The following WDR86 variants were observed in gnomAD, a reference collection of about 807,000 sequenced individuals.
WDR86 encodes WD repeat domain 86.
In WDR86, 30 loss-of-function variants were observed where a neutral mutation model predicts 36.5. That is an observed-to-expected ratio of 0.82 (90% CI 0.61 to 1.11). The LOEUF (loss-of-function observed/expected upper bound fraction) is 1.11. WDR86 is among the 50% of genes most tolerant of loss of function. The pLI, the probability that WDR86 is intolerant of heterozygous loss-of-function variation, is 0.00. For synonymous variants in WDR86, 255 were observed against 252.9 expected (o/e 1.01, Z -0.08); for missense variants, 545 against 561.2 (o/e 0.97, Z 0.29).
rs1407575040 is a variant in WDR86 at position 151,395,775 on chromosome 7, C to A, written c.726+1G>T. The A allele has an allele frequency of 1.3e-6, 2 of 1,553,256 alleles. No individual in the cohort carries two copies. Among genetic ancestry groups the A allele is most frequent in the South Asian group, 2.4e-5 (2 of 83,970 alleles). ...CTGGGCGGGGACCAGGACAGTCTCA[C>A]CTCCAGACAGATGACGGAGCCCCGG... On this transcript the variant is annotated splice_donor_variant, in intron 3 of 5. Transcript: ENST00000334493. LOFTEE classifies it high-confidence loss of function.
Position 151,381,832 on chromosome 7 carries a change from CT to C in WDR86, c.966+45del, listed in dbSNP as rs572090630. Reference sequence around the variant, plus strand: ...GCGTGGATGGATCGGGGCGGGGCACCTTCCCTCCCACGGGCGGCGGCCCCGA... The same window carrying C: ...GCGTGGATGGATCGGGGCGGGGCACCTCCCTCCCACGGGCGGCGGCCCCGA... On this transcript the variant is annotated intron_variant, in intron 5 of 5. Coordinates refer to ENST00000334493, the MANE Select transcript of WDR86 (RefSeq NM_198285.3). The surrounding 1 kb of genome is among the most constrained non-coding windows in gnomAD (Gnocchi z 4.8). 2.2e-3 allele frequency: 3,481 copies of C among 1,561,956 alleles called. 6 individuals carry two copies. The highest frequency in any genetic ancestry group is 2.7e-3 in the Non-Finnish European group (3,115 of 1,153,224).
At chr7:151,397,567 G>A (rs1799911563) in intron 2 of WDR86, among the ~76,000 whole-genome samples, 1 of 151,506 alleles carries the variant, frequency 6.6e-6, no homozygotes, top group Non-Finnish European at 1.5e-5. Flanking sequence ...GGGATTACGT[G>A]TATTTTTAAA....
At chr7:151,391,085 C>A (rs1799400071) in intron 3 of WDR86, among the ~76,000 whole-genome samples, 2 of 152,238 alleles carry the variant, frequency 1.3e-5, no homozygotes, top group Non-Finnish European at 2.9e-5. Context: ...GAGGGCCAAT[C>A]AGGCCCTTCT....
At chr7:151,397,631 C>A (rs1024471004) in intron 2 of WDR86, among the ~76,000 whole-genome samples, 8 of 140,652 alleles carry the variant, frequency 5.7e-5, no homozygotes, top group African/African-American at 2.2e-4. Flanking sequence ...GAGGGTGTAG[C>A]GGGAGGAAGG....
At chr7:151,400,694 C>T (rs1386985681) in intron 1 of WDR86, among the ~76,000 whole-genome samples, 1 of 152,194 alleles carries the variant, frequency 6.6e-6, no homozygotes, top group Non-Finnish European at 1.5e-5. Flanking sequence ...TCAACTCATC[C>T]TTCTTAAAGA....
chr7:151,377,124 G>A, downstream of WDR86: 2 of 1,587,766 alleles, frequency 1.3e-6, no homozygotes, highest in Non-Finnish European at 8.6e-7. Context: ...TCCAGAGCAT[G>A]AGGAAGACTA....
At position 151,410,019 on chromosome 7, in the gene WDR86, C is replaced by G. The variant is rs773910673; in HGVS notation, c.-430G>C. Reference sequence around the variant, plus strand: ...CCGAGCGCCCCGCGCCCTCCCCGGCCGAGCGCGGAACAATACGGTCCAGCC... The same window carrying G: ...CCGAGCGCCCCGCGCCCTCCCCGGCGGAGCGCGGAACAATACGGTCCAGCC... On this transcript the variant is annotated 5_prime_UTR_variant, in exon 1 of 6. Transcript: ENST00000334493. The G allele has an allele frequency of 6.0e-6, 6 of 993,972 alleles. No individual in the cohort carries two copies. The highest frequency in any genetic ancestry group is 3.5e-5 in the African/African-American group (2 of 57,692). 61.6% of individuals were successfully genotyped at this position (993,972 alleles called of 1,614,324 possible). A position where few individuals can be genotyped will look rare whatever the true frequency, so the allele number is the denominator to read the frequency against.
rs1468650700 is a variant in WDR86, at chr7:151,409,255, C to G, written c.163+172G>C. 1.7e-6 allele frequency: 2 copies of G among 1,155,642 alleles called. No homozygotes were observed. The highest frequency in any genetic ancestry group is 2.2e-5 in the Admixed American group (1 of 45,340). The allele number at this position is 1,155,642 out of a possible 1,614,324, so 71.6% of individuals were successfully genotyped here. On this transcript the variant is annotated intron_variant, in intron 1 of 5. Coordinates refer to ENST00000334493, the MANE Select transcript of WDR86 (RefSeq NM_198285.3). The surrounding 1 kb of genome is among the most constrained non-coding windows in gnomAD (Gnocchi z 5.2). ...ACCCCCAGACCTCACCCTGCCCTGCCGTGCGCTCAACAGCCAGATGCTGGG... is the reference window on the plus strand; with the variant it reads ...ACCCCCAGACCTCACCCTGCCCTGCGGTGCGCTCAACAGCCAGATGCTGGG...
rs775697397 is a variant in WDR86, at chr7:151,385,049, G to A, written c.862+39C>T. 6 of 1,546,316 alleles carry A rather than the reference G, an allele frequency of 3.9e-6. No individual in the cohort carries two copies. In the East Asian group the frequency reaches 1.4e-4, roughly 35 times the overall value. On this transcript the variant is annotated intron_variant, in intron 4 of 5. Coordinates refer to ENST00000334493, the MANE Select transcript of WDR86 (RefSeq NM_198285.3). The stretch of plus-strand genomic sequence containing the variant: ...TAAAGAAGCAGAGAGGAGAAGCCAG[G>A]CTGGGGTGGCACAGGTCGTGCAGGG...
In WDR86 at chr7:151,381,551, C is replaced by T; in HGVS notation, c.*31G>A. 2 of 1,390,020 alleles carry T rather than the reference C, an allele frequency of 1.4e-6. 1 individual carries two copies. The highest frequency in any genetic ancestry group is 1.8e-6 in the Non-Finnish European group (2 of 1,084,168). 86.1% of individuals were successfully genotyped at this position (1,390,020 alleles called of 1,614,324 possible). ...GGGCGCTCTGGGAGCCGCTGGGTGTCTGGGCTGGCGTCTGCAGGGGCCCCG... is the reference window on the plus strand; with the variant it reads ...GGGCGCTCTGGGAGCCGCTGGGTGTTTGGGCTGGCGTCTGCAGGGGCCCCG... On this transcript the variant is annotated 3_prime_UTR_variant, in exon 6 of 6. Transcript: ENST00000334493. This position sits in a 1 kb window ranked among gnomAD's most constrained non-coding sequence, Gnocchi z 4.8.
downstream of WDR86, chr7:151,376,997 C>T: frequency 6.8e-7 from 1 of 1,473,098 alleles, no homozygotes; most frequent in Non-Finnish European, 9.1e-7. Flanking sequence ...TGCAGTGTCC[C>T]CAGGACAATC....
intron 2 of WDR86, among the ~76,000 whole-genome samples, chr7:151,399,762 T>C (rs1451911004): frequency 1.3e-5 from 2 of 152,248 alleles, no homozygotes; most frequent in Non-Finnish European, 2.9e-5. Context: ...AATTAAGCCA[T>C]TTCCTATGGA....
At position 151,381,736 on chromosome 7, in the gene WDR86, TGGC is replaced by T; in HGVS notation, c.974_976del (p.Gly325_Gln326delinsGlu). ...GTCGTGCGAGGCGGTGTAGAGCACC[TGGC>T]CGTGCACCTGCGGGCGCAGGGGCGG... On this transcript the variant is annotated inframe_deletion, in exon 6 of 6. Coordinates refer to ENST00000334493, the MANE Select transcript of WDR86 (RefSeq NM_198285.3). The surrounding 1 kb of genome is among the most constrained non-coding windows in gnomAD (Gnocchi z 4.8). The T allele has an allele frequency of 6.6e-7, 1 of 1,514,690 alleles. No individual in the cohort carries two copies. Among genetic ancestry groups the T allele is most frequent in the South Asian group, 1.3e-5 (1 of 79,034 alleles). The allele number at this position is 1,514,690 out of a possible 1,614,324, so 93.8% of individuals were successfully genotyped here. A position where few individuals can be genotyped will look rare whatever the true frequency, so the allele number is the denominator to read the frequency against.
chr7:151,382,944 ATCTGAGGGTGCTC>A (rs1467795247), intron 4 of WDR86, among the ~76,000 whole-genome samples: 12 of 149,832 alleles, frequency 8.0e-5, no homozygotes, highest in Non-Finnish European at 1.8e-4. Flanking sequence ...CTACCTATCT[ATCTGAGGGTGCTC>A]TGTGGGTACT....
chr7:151,375,877 G>T, downstream of WDR86: 1 of 1,612,992 alleles, frequency 6.2e-7, no homozygotes, highest in South Asian at 1.1e-5. Flanking sequence ...AGATGTGGTG[G>T]TTAAATGATT....
At position 151,409,739 on chromosome 7, in the gene WDR86, G is replaced by C; in HGVS notation, c.-150C>G. 1 of 1,298,820 alleles carries C rather than the reference G, an allele frequency of 7.7e-7. No homozygotes were observed. Among genetic ancestry groups the C allele is most frequent in the Non-Finnish European group, 9.7e-7 (1 of 1,028,078 alleles). 80.5% of individuals were successfully genotyped at this position (1,298,820 alleles called of 1,614,324 possible). On this transcript the variant is annotated 5_prime_UTR_variant, in exon 1 of 6. Coordinates refer to ENST00000334493, the MANE Select transcript of WDR86 (RefSeq NM_198285.3). The surrounding 1 kb of genome is among the most constrained non-coding windows in gnomAD (Gnocchi z 5.2). ...CTGCGGAGGCACGCGGCGAGGGGAG[G>C]GTGAAGGACCCTAGCTCCCCGCTGC...
At chr7:151,400,762 T>C (rs371629094) in intron 1 of WDR86, among the ~76,000 whole-genome samples, 9 of 152,178 alleles carry the variant, frequency 5.9e-5, no homozygotes, top group East Asian at 1.9e-4. Context: ...GCACGACAGA[T>C]AGTCAGGGAA....
At chr7:151,371,096 T>C (rs1797936253), downstream of WDR86, among the ~76,000 whole-genome samples, 1 of 152,110 alleles carries the variant, frequency 6.6e-6, no homozygotes, top group Admixed American at 6.5e-5. Context: ...TTGGAGAAAA[T>C]GCAAATAAAA....
At chr7:151,378,791 C>T (rs939708074), downstream of WDR86, among the ~76,000 whole-genome samples, 5 of 152,238 alleles carry the variant, frequency 3.3e-5, no homozygotes, top group Admixed American at 6.5e-5. Context: ...GCTAACAAAT[C>T]GCTGTCCTGC....
Sources: gnomAD v4.1 joint callset for allele counts (sites outside exome capture counted in the v4.1 genomes callset) on GRCh38, gnomAD v4.1.1 for gene constraint, Gnocchi (gnomAD v3.1) non-coding constraint, MANE v1.5 for transcripts, NCBI Gene and HGNC (gene_info 2026-07-23, HGNC 2026-07-21) for gene names.